Variants in PDE3B observed in about 807,000 individuals in gnomAD.
PDE3B encodes the protein phosphodiesterase 3B, also known as cGMP-inhibited 3',5'-cyclic phosphodiesterase 3B.
Under a neutral mutation model 116.8 loss-of-function variants are expected in PDE3B, and 66 were observed. The observed-to-expected ratio is 0.56, with a 90% CI of 0.46 to 0.69. The LOEUF is 0.69. Among genes scored for constraint, PDE3B ranks in the 30% least tolerant of loss-of-function variants. PDE3B has a pLI of 0.00. For missense variants in PDE3B, 1,384 were observed against 1,368.1 expected, an observed-to-expected ratio of 1.01 and a Z score of -0.18; for synonymous variants, 595 against 533.6, an observed-to-expected ratio of 1.12 and a Z score of -1.59.
At chr11:14,739,513 G>A (rs542058017) in intron 1 of PDE3B, among the ~76,000 whole-genome samples, 210 of 152,220 alleles carry the variant, frequency 1.4e-3, no homozygotes, top group South Asian at 8.9e-3. Flanking sequence ...CTGAGATGAT[G>A]GGTTTTTCTA....
intron 1 of PDE3B, among the ~76,000 whole-genome samples, chr11:14,731,845 C>T (rs763661290): frequency 6.6e-5 from 10 of 151,946 alleles, no homozygotes; most frequent in South Asian, 4.2e-4. Flanking sequence ...GTAAATCAGA[C>T]GATTTCTGCT....
chr11:14,742,116 C>A (rs542595437), intron 1 of PDE3B, among the ~76,000 whole-genome samples: 23 of 151,708 alleles, frequency 1.5e-4, no homozygotes, highest in African/African-American at 5.4e-4. Context: ...TCTGTATTTC[C>A]TGAATTTGAA....
At chr11:14,767,623 G>A (rs949999690) in intron 1 of PDE3B, among the ~76,000 whole-genome samples, 11 of 151,316 alleles carry the variant, frequency 7.3e-5, no homozygotes, top group African/African-American at 2.4e-4. Flanking sequence ...AAGATGATTT[G>A]TTCTCTTTTA....
chr11:14,878,388 G>T, the PDE3B span: 1 of 1,261,494 alleles, frequency 7.9e-7, no homozygotes, highest in Non-Finnish European at 1.1e-6. Context: ...CAGGAAATCT[G>T]GAATTTAAAC....
At chr11:14,756,814 T>TTA (rs1339649737) in intron 1 of PDE3B, among the ~76,000 whole-genome samples, 2 of 150,308 alleles carry the variant, frequency 1.3e-5, no homozygotes, top group Non-Finnish European at 3.0e-5. Context: ...TTTTTTTTTT[T>TTA]ATTATACTTT....
At chr11:14,796,280 G>A (rs1246260782) in intron 4 of PDE3B, among the ~76,000 whole-genome samples, 1 of 152,110 alleles carries the variant, frequency 6.6e-6, no homozygotes, top group African/African-American at 2.4e-5. Context: ...TATCATTGAT[G>A]GACACTTCGG....
At chr11:14,885,890 A>G in the PDE3B span, 12 of 1,613,472 alleles carry the variant, frequency 7.4e-6, no homozygotes, top group Admixed American at 2.0e-4. Flanking sequence ...ACCACAGTTG[A>G]TATGCCTCCA....
chr11:14,837,292 G>A (rs973173304), intron 11 of PDE3B, among the ~76,000 whole-genome samples: 10 of 152,136 alleles, frequency 6.6e-5, no homozygotes, highest in African/African-American at 2.4e-4. Context: ...GTCTGGATAG[G>A]CTGAGAATTT....
intron 7 of PDE3B, among the ~76,000 whole-genome samples, chr11:14,824,705 A>G (rs1398143016): frequency 6.6e-6 from 1 of 152,220 alleles, no homozygotes; most frequent in Non-Finnish European, 1.5e-5. Context: ...CCTGGAAAAC[A>G]TATTTCAGGA....
chr11:14,879,273 C>T, the PDE3B span: 1 of 1,613,212 alleles, frequency 6.2e-7, no homozygotes, highest in Non-Finnish European at 8.5e-7. Flanking sequence ...ATGGAATAAC[C>T]ACGTACAACT....
At chr11:14,651,013 G>A (rs1270818378) in intron 1 of PDE3B, among the ~76,000 whole-genome samples, 2 of 151,842 alleles carry the variant, frequency 1.3e-5, no homozygotes, top group Non-Finnish European at 2.9e-5. Flanking sequence ...AGTTTGCTAG[G>A]GCTGCCATGA....
chr11:14,716,652 AG>A (rs1855909609), intron 1 of PDE3B, among the ~76,000 whole-genome samples: 1 of 84,612 alleles, frequency 1.2e-5, no homozygotes, highest in African/African-American at 4.7e-5. Flanking sequence ...ACCCCCCAGC[AG>A]GGGCACACTG....
At chr11:14,694,841 C>G (rs2133810496) in intron 1 of PDE3B, among the ~76,000 whole-genome samples, 1 of 152,242 alleles carries the variant, frequency 6.6e-6, no homozygotes, top group South Asian at 2.1e-4. Context: ...TAGATACCTC[C>G]AAATTACAGA....
chr11:14,779,362 A>G (rs1217399281), intron 2 of PDE3B, among the ~76,000 whole-genome samples: 4 of 152,172 alleles, frequency 2.6e-5, no homozygotes, highest in Admixed American at 2.6e-4. Flanking sequence ...AAAACACATA[A>G]TTGTCAGATT....
the PDE3B span, among the ~76,000 whole-genome samples, chr11:14,892,611 A>G: frequency 1.3e-5 from 2 of 152,322 alleles, no homozygotes; most frequent in South Asian, 4.1e-4. Flanking sequence ...ATTTCACACT[A>G]GGAAAACTGG....
intron 1 of PDE3B, among the ~76,000 whole-genome samples, chr11:14,718,048 T>C (rs1855964519): frequency 6.6e-6 from 1 of 150,504 alleles, no homozygotes; most frequent in Non-Finnish European, 1.5e-5. Context: ...GAGACACACA[T>C]AGGCTGAAAA....
chr11:14,707,817 A>G (rs2133824597), intron 1 of PDE3B, among the ~76,000 whole-genome samples: 1 of 152,182 alleles, frequency 6.6e-6, no homozygotes, highest in South Asian at 2.1e-4. Context: ...GCTAGAGTTC[A>G]ACACTTTGTT....
intron 4 of PDE3B, among the ~76,000 whole-genome samples, chr11:14,799,813 T>C (rs185389221): frequency 2.0e-5 from 3 of 151,930 alleles, no homozygotes; most frequent in Non-Finnish European, 4.4e-5. Flanking sequence ...TCCATCACTT[T>C]ATTTTGAGCC....
Position 14,665,294 on chromosome 11 carries a change from G to A in PDE3B, c.978+20241G>A, listed in dbSNP as rs1356806223. Among the ~76,000 whole-genome samples the A allele has an allele frequency of 1.6e-4, 25 of 152,112 alleles. No homozygotes were observed. The South Asian group carries it at 1.9e-3, about 11-fold the overall frequency. On this transcript the variant is annotated intron_variant, in intron 1 of 15. Coordinates refer to ENST00000282096, the MANE Select transcript of PDE3B (RefSeq NM_000922.4). ...AAAATAATAAGAGCTATCTATGACA[G>A]ACCCACAGCCAATATCATACTGAAT...
Sources: gnomAD v4.1 joint callset for allele counts (sites outside exome capture counted in the v4.1 genomes callset) on GRCh38, gnomAD v4.1.1 for gene constraint, MANE v1.5 for transcripts, NCBI Gene and HGNC (gene_info 2026-07-23, HGNC 2026-07-21) for gene names.